Variants in EPB41L5 observed in about 807,000 individuals in gnomAD.
EPB41L5 encodes band 4.1-like protein 5.
EPB41L5 carries 55 observed loss-of-function variants against 106.6 expected under a neutral mutation model. The observed-to-expected ratio is 0.52, with a 90% CI of 0.42 to 0.65. The LOEUF is 0.65. Ranked by LOEUF, EPB41L5 falls within the 30% of genes least tolerant of loss-of-function variation. The pLI is 0.00. For missense variants in EPB41L5, 871 were observed against 882.1 expected (o/e 0.99, Z 0.16); for synonymous variants, 297 against 306.7 (o/e 0.97, Z 0.33).
intron 18 of EPB41L5, among the ~76,000 whole-genome samples, chr2:120,134,283 T>A (rs989146277): frequency 2.0e-5 from 3 of 152,068 alleles, no homozygotes; most frequent in African/African-American, 4.8e-5. Flanking sequence ...AATAAAGTAC[T>A]GAGTAGATTC....
chr2:120,049,896 A>T lies in EPB41L5; in HGVS notation c.285+7786A>T, dbSNP rs1021014545. 2.0e-5 allele frequency among the ~76,000 whole-genome samples: 3 copies of T among 152,090 alleles called. No homozygotes were observed. The East Asian group carries it at 5.8e-4, about 29-fold the overall frequency. ...TCTCTCACCATTTGCTTGTCTGTAA[A>T]GGATTTTATTTCTCCTTCACTTATG... On this transcript the variant is annotated intron_variant, in intron 3 of 24. Transcript: ENST00000263713.
chr2:120,059,507 C>G (rs1449355767), intron 3 of EPB41L5, among the ~76,000 whole-genome samples: 1 of 152,092 alleles, frequency 6.6e-6, no homozygotes, highest in Non-Finnish European at 1.5e-5. Flanking sequence ...AAAACTTTTG[C>G]TTTGGGAAAG....
At chr2:120,043,380 A>C (rs1387914748) in intron 3 of EPB41L5, among the ~76,000 whole-genome samples, 1 of 151,730 alleles carries the variant, frequency 6.6e-6, no homozygotes, top group Non-Finnish European at 1.5e-5. Flanking sequence ...CTGTCTACTA[A>C]AAATACAAAA....
At chr2:120,097,194 G>GT (rs966137436) in intron 14 of EPB41L5, among the ~76,000 whole-genome samples, 11 of 151,416 alleles carry the variant, frequency 7.3e-5, no homozygotes, top group East Asian at 5.8e-4. Flanking sequence ...TTAAGGAATG[G>GT]TTTTTTTTTA....
intron 16 of EPB41L5, among the ~76,000 whole-genome samples, chr2:120,124,891 C>T (rs907097642): frequency 2.6e-5 from 4 of 152,130 alleles, no homozygotes; most frequent in Admixed American, 2.6e-4. Flanking sequence ...TGAGGTTAAA[C>T]ATTTTTACTA....
chr2:120,046,878 T>C (rs914677106), intron 3 of EPB41L5, among the ~76,000 whole-genome samples: 3 of 152,236 alleles, frequency 2.0e-5, no homozygotes, highest in East Asian at 1.9e-4. Context: ...TTTCTACATA[T>C]GGCTAGCCAG....
chr2:120,076,943 A>G (rs372186420), intron 7 of EPB41L5, 28 bp from the exon 8 acceptor site: 20 of 1,564,988 alleles, frequency 1.3e-5, no homozygotes, highest in Non-Finnish European at 1.6e-5. Context: ...CAGGAAATAC[A>G]TATAACTTTT....
chr2:120,047,428 G>T (rs1196857021), intron 3 of EPB41L5, among the ~76,000 whole-genome samples: 1 of 151,872 alleles, frequency 6.6e-6, no homozygotes, highest in African/African-American at 2.4e-5. Context: ...AAGCAATTGT[G>T]AACGGGAGTT....
chr2:120,165,043 C>CACTT, intron 22 of EPB41L5, 133 bp downstream of exon 22: 1 of 639,688 alleles, frequency 1.6e-6, no homozygotes, highest in Non-Finnish European at 2.6e-6. Context: ...TTTTAATAAC[C>CACTT]ACTTAGCATT....
rs1046323322 is a variant in EPB41L5, at chr2:120,127,828, G to A, written c.1478G>A (p.Gly493Glu). The change falls in exon 17 of 25, where the codon GGG becomes GAG. Residue 493 changes from glycine (G) to glutamate (E), a missense_variant. Coordinates refer to ENST00000263713, the MANE Select transcript of EPB41L5 (RefSeq NM_020909.4). ...GTAGCCACCAGGCTTCCGGGATTAG[G>A]GGAACCTGAAGTTGAATATGAGAGT... ...VNVATRLPGL[G>E]EPEVEYETLK... The A allele has an allele frequency of 1.2e-6, 2 of 1,611,004 alleles. No homozygotes were observed. The highest frequency in any genetic ancestry group is 2.7e-5 in the African/African-American group (2 of 74,878).
Position 120,083,305 on chromosome 2 carries a change from T to C in EPB41L5, c.804-3866T>C, listed in dbSNP as rs111803371. 8.1e-3 allele frequency among the ~76,000 whole-genome samples: 1,230 copies of C among 152,314 alleles called. 14 individuals are homozygous for C. Among genetic ancestry groups the C allele is most frequent in the African/African-American group, 0.028 (1,167 of 41,572 alleles). ...GTCCCAGAGATTGTGGTATGTTGTG[T>C]CTTTGTTCTCATTGGTTTCAAAGAA... On this transcript the variant is annotated intron_variant, in intron 10 of 24. Coordinates refer to ENST00000263713, the MANE Select transcript of EPB41L5 (RefSeq NM_020909.4).
intron 3 of EPB41L5, among the ~76,000 whole-genome samples, chr2:120,042,799 A>G (rs900874491): frequency 6.6e-6 from 1 of 152,138 alleles, no homozygotes; most frequent in Non-Finnish European, 1.5e-5. Context: ...GTAGTCTTCA[A>G]GCAGGGAGGT....
chr2:120,151,662 G>A (rs1686684778), intron 20 of EPB41L5, among the ~76,000 whole-genome samples: 1 of 148,044 alleles, frequency 6.8e-6, no homozygotes, highest in South Asian at 2.1e-4. Flanking sequence ...TGTCACCCAG[G>A]CTGGAATGCA....
chr2:120,165,046 T>TAAG, intron 22 of EPB41L5, 136 bp downstream of exon 22: 1 of 627,336 alleles, frequency 1.6e-6, no homozygotes, highest in Non-Finnish European at 2.7e-6. Context: ...TAATAACCAC[T>TAAG]TAGCATTGCC....
chr2:120,056,488 G>A (rs902128376), intron 3 of EPB41L5, among the ~76,000 whole-genome samples: 1 of 151,886 alleles, frequency 6.6e-6, no homozygotes, highest in African/African-American at 2.4e-5. Context: ...TAGTAGAGAT[G>A]GGATTTCGCC....
chr2:120,111,435 C>G (rs1338610222), intron 16 of EPB41L5, among the ~76,000 whole-genome samples: 1 of 152,142 alleles, frequency 6.6e-6, no homozygotes, highest in East Asian at 1.9e-4. Context: ...CCTGCTGAAT[C>G]AGAAACACTG....
intron 24 of EPB41L5, among the ~76,000 whole-genome samples, chr2:120,172,029 C>G (rs200679404): frequency 2.7e-5 from 4 of 148,406 alleles, no homozygotes; most frequent in Non-Finnish European, 3.0e-5. Context: ...AAAAGGAAAA[C>G]AAGCATTTTT....
intron 16 of EPB41L5, among the ~76,000 whole-genome samples, chr2:120,102,720 A>AT (rs1340694854): frequency 2.6e-5 from 4 of 152,134 alleles, no homozygotes; most frequent in Non-Finnish European, 4.4e-5. Flanking sequence ...AGTCTTCAGC[A>AT]TTTTTTTGCT....
intron 2 of EPB41L5, among the ~76,000 whole-genome samples, chr2:120,030,697 G>GCGTCCGCCAC (rs1553490410): frequency 2.0e-5 from 3 of 151,406 alleles, no homozygotes; most frequent in East Asian, 3.9e-4. Context: ...AGGATTACAG[G>GCGTCCGCCAC]CACATGCCAC....
Sources: gnomAD v4.1 joint callset for allele counts (sites outside exome capture counted in the v4.1 genomes callset) on GRCh38, gnomAD v4.1.1 for gene constraint, MANE v1.5 for transcripts, NCBI Gene and HGNC (gene_info 2026-07-23, HGNC 2026-07-21) for gene names.